Variants in AXDND1 observed in about 807,000 individuals in gnomAD.
AXDND1 encodes the protein axonemal dynein light chain domain containing 1.
A neutral mutation model predicts 137.5 loss-of-function variants in AXDND1; 110 were observed. The observed-to-expected ratio is 0.80, with a 90% CI of 0.69 to 0.94. The LOEUF (loss-of-function observed/expected upper bound fraction) is 0.94. Ranked by LOEUF, AXDND1 falls within the 40% of genes least tolerant of loss-of-function variation. AXDND1 has a pLI of 0.00. For synonymous variants in AXDND1, 414 were observed against 399.7 expected (o/e 1.04, Z -0.43); for missense variants, 1,191 against 1,169.8 (o/e 1.02, Z -0.26).
chr1:179,386,284 G>T (rs12723310), intron 9 of AXDND1, among the ~76,000 whole-genome samples: 2,364 of 152,016 alleles, frequency 0.016, 19 homozygotes, highest in Non-Finnish European at 0.025. Flanking sequence ...TCCTGACCTC[G>T]TGATCTGCCT....
At chr1:179,385,199 C>T (rs1409617483) in intron 8 of AXDND1, 39 bp from the exon 9 acceptor site, 1 of 1,570,574 alleles carries the variant, frequency 6.4e-7, no homozygotes, top group African/African-American at 1.4e-5. Flanking sequence ...TTTACTAAGA[C>T]TGTAATAAGT....
At chr1:179,505,080 C>G (rs1026092313) in intron 20 of AXDND1, among the ~76,000 whole-genome samples, 2 of 151,464 alleles carry the variant, frequency 1.3e-5, no homozygotes, top group Admixed American at 1.3e-4. Flanking sequence ...ACCATCTTCT[C>G]CTGATCTAGA....
chr1:179,489,235 G>T (rs1428820016), intron 18 of AXDND1, among the ~76,000 whole-genome samples: 1 of 133,634 alleles, frequency 7.5e-6, no homozygotes, highest in African/African-American at 2.8e-5. Context: ...TCATTAAAAA[G>T]AATTACATAT....
chr1:179,536,321 A>C (rs946284192), intron 25 of AXDND1, among the ~76,000 whole-genome samples: 5 of 152,154 alleles, frequency 3.3e-5, no homozygotes, highest in Admixed American at 1.3e-4. Flanking sequence ...CCTAGGTTTT[A>C]TTCTAGGGTT....
At chr1:179,389,161 C>T (rs1029675677) in intron 9 of AXDND1, among the ~76,000 whole-genome samples, 8 of 151,468 alleles carry the variant, frequency 5.3e-5, no homozygotes, top group Non-Finnish European at 1.0e-4. Context: ...TTAGTAGAGA[C>T]GGGGTTTCAC....
intron 16 of AXDND1, chr1:179,452,650 T>TGCAGTCC (rs1660700930): frequency 8.5e-6 from 1 of 117,476 alleles, no homozygotes. Flanking sequence ...ATTGCGCCAC[T>TGCAGTCC]GCAGTCCGCA....
intron 16 of AXDND1, chr1:179,455,821 C>T (rs1349110482): frequency 1.1e-5 from 2 of 181,066 alleles, no homozygotes. Context: ...CCAGCTTTGG[C>T]TGCATCCCAT....
At chr1:179,393,347 C>T (rs111634101) in intron 9 of AXDND1, among the ~76,000 whole-genome samples, 2,723 of 152,242 alleles carry the variant, frequency 0.018, 69 homozygotes, top group African/African-American at 0.061. Flanking sequence ...TATACCCGTA[C>T]CATGCTGTTT....
At chr1:179,452,696 A>C (rs1195569811) in intron 16 of AXDND1, 1 of 7,978 alleles carries the variant, frequency 1.3e-4, no homozygotes, top group South Asian at 3.9e-3. Flanking sequence ...CTCCGTCTCA[A>C]AAAAAAAAAA....
chr1:179,424,426 CTTTT>C (rs139043229), intron 12 of AXDND1, among the ~76,000 whole-genome samples: 2 of 107,796 alleles, frequency 1.9e-5, no homozygotes, highest in African/African-American at 6.9e-5. Context: ...TTTCTATTAT[CTTTT>C]TTTTTTTTTT....
chr1:179,453,664 G>T (rs1429777401), intron 16 of AXDND1: 1 of 152,186 alleles, frequency 6.6e-6, no homozygotes, highest in Admixed American at 6.5e-5. Context: ...GCCAGTCGTG[G>T]TGGCATGCAC....
intron 16 of AXDND1, chr1:179,448,486 T>C (rs932090207): frequency 4.9e-6 from 2 of 406,180 alleles, no homozygotes; most frequent in South Asian, 5.0e-5. Context: ...ATATTTAATA[T>C]AAAAGTTAAT....
chr1:179,390,875 T>G (rs149414362), intron 9 of AXDND1, among the ~76,000 whole-genome samples: 2,381 of 152,186 alleles, frequency 0.016, 53 homozygotes, highest in African/African-American at 0.053. Flanking sequence ...GGTGCAATCT[T>G]GGCTCACTGC....
At chr1:179,423,007 G>A (rs955678409) in intron 12 of AXDND1, among the ~76,000 whole-genome samples, 10 of 151,910 alleles carry the variant, frequency 6.6e-5, no homozygotes, top group African/African-American at 1.7e-4. Flanking sequence ...CAAGTGATCC[G>A]CCCACCTTAG....
At chr1:179,401,258 C>CAAAAAAAAA (rs201354000) in intron 11 of AXDND1, among the ~76,000 whole-genome samples, 24 of 83,630 alleles carry the variant, frequency 2.9e-4, no homozygotes, top group East Asian at 9.9e-4. Context: ...AACTCCATCT[C>CAAAAAAAAA]AAAAAAAAAA....
chr1:179,458,658 A>T (rs1661766632), intron 16 of AXDND1, among the ~76,000 whole-genome samples: 1 of 152,130 alleles, frequency 6.6e-6, no homozygotes, highest in Non-Finnish European at 1.5e-5. Flanking sequence ...AAACTGTGTG[A>T]TCATATAAGA....
intron 16 of AXDND1, among the ~76,000 whole-genome samples, chr1:179,457,601 A>T (rs930981121): frequency 6.6e-6 from 1 of 152,210 alleles, no homozygotes; most frequent in Admixed American, 6.5e-5. Flanking sequence ...TATAGCCAGT[A>T]TTCATTTAGA....
At position 179,394,437 on chromosome 1, in the gene AXDND1, A is replaced by G. The variant is rs528537316; in HGVS notation, c.1004+394A>G. Among the ~76,000 whole-genome samples, 534 of 152,114 alleles carry G rather than the reference A, an allele frequency of 3.5e-3. 3 individuals are homozygous for G. The highest frequency in any genetic ancestry group is 0.012 in the African/African-American group (506 of 41,498). The stretch of plus-strand genomic sequence containing the variant: ...AACCCCATCTCTACTAAAAATACAA[A>G]TAATTAGACAGGCGTGGTGGCACAT... On this transcript the variant is annotated intron_variant, in intron 10 of 25. Coordinates refer to ENST00000367618, the MANE Select transcript of AXDND1 (RefSeq NM_144696.6).
chr1:179,480,147 T>G (rs1665182741), intron 17 of AXDND1, among the ~76,000 whole-genome samples: 1 of 152,140 alleles, frequency 6.6e-6, no homozygotes, highest in Non-Finnish European at 1.5e-5. Flanking sequence ...TTACAGTAGC[T>G]CCCCACTCCA....
Sources: allele counts gnomAD v4.1 joint callset (sites outside exome capture counted in the v4.1 genomes callset), GRCh38; gene constraint gnomAD v4.1.1; transcripts MANE v1.5; gene names NCBI Gene and HGNC (gene_info 2026-07-23, HGNC 2026-07-21).